XKR4: variants seen among roughly 807,000 people sequenced by gnomAD.
The protein encoded by XKR4 is XK-related protein 4.
In XKR4, 12 loss-of-function variants were observed where a neutral mutation model predicts 53.9. The ratio of observed to expected loss-of-function variants is 0.22; its 90% CI spans 0.14 to 0.36. The LOEUF (loss-of-function observed/expected upper bound fraction) is 0.36. Ranked by LOEUF, XKR4 falls within the 10% of genes least tolerant of loss-of-function variation. The pLI is 1.00. For synonymous variants in XKR4, 354 were observed against 362.4 expected (o/e 0.98, Z 0.26); for missense variants, 799 against 859.5 (o/e 0.93, Z 0.88).
chr8:55,208,519 G>C (rs568012145), intron 1 of XKR4, among the ~76,000 whole-genome samples: 1 of 151,128 alleles, frequency 6.6e-6, no homozygotes, highest in Admixed American at 6.6e-5. Flanking sequence ...GTATCACCCA[G>C]GCAGTGGTGC....
At chr8:55,446,038 A>G (rs548059291) in intron 2 of XKR4, among the ~76,000 whole-genome samples, 1 of 152,286 alleles carries the variant, frequency 6.6e-6, no homozygotes, top group Non-Finnish European at 1.5e-5. Flanking sequence ...GAGTGAGCCA[A>G]TGAGAGATTA....
chr8:55,443,229 G>T (rs896476513), intron 2 of XKR4, among the ~76,000 whole-genome samples: 2 of 151,966 alleles, frequency 1.3e-5, no homozygotes, highest in Non-Finnish European at 2.9e-5. Context: ...TTATAAATAA[G>T]TATTAATAAA....
intron 2 of XKR4, among the ~76,000 whole-genome samples, chr8:55,494,280 G>A (rs945688973): frequency 2.6e-5 from 4 of 152,242 alleles, no homozygotes; most frequent in African/African-American, 4.8e-5. Flanking sequence ...CACAAGCTTG[G>A]AGATGCCAGG....
chr8:55,387,777 G>T (rs1406505719), intron 2 of XKR4, among the ~76,000 whole-genome samples: 1 of 152,128 alleles, frequency 6.6e-6, no homozygotes, highest in Non-Finnish European at 1.5e-5. Context: ...TGGGAGTAAT[G>T]AGACAGGCCA....
At chr8:55,206,718 C>T (rs956461384) in intron 1 of XKR4, among the ~76,000 whole-genome samples, 7 of 152,152 alleles carry the variant, frequency 4.6e-5, no homozygotes, top group African/African-American at 7.2e-5. Context: ...GACATACTTA[C>T]GATTTTGCAG....
intron 1 of XKR4, among the ~76,000 whole-genome samples, chr8:55,242,367 A>C (rs4576406): frequency 0.027 from 4,126 of 152,232 alleles, 77 homozygotes; most frequent in Middle Eastern, 0.061. Context: ...TCTCAGCTCC[A>C]TCCCTGCCAC....
At chr8:55,165,312 C>T (rs1190370180) in intron 1 of XKR4, among the ~76,000 whole-genome samples, 1 of 151,548 alleles carries the variant, frequency 6.6e-6, no homozygotes, top group African/African-American at 2.4e-5. Flanking sequence ...GATCTTTGAC[C>T]ATGTAATGAC....
intron 1 of XKR4, among the ~76,000 whole-genome samples, chr8:55,234,612 T>C (rs1818092679): frequency 6.6e-6 from 1 of 152,206 alleles, no homozygotes; most frequent in African/African-American, 2.4e-5. Flanking sequence ...CCAGTAGTTA[T>C]ATATCAGTAG....
chr8:55,243,806 C>T (rs1818243762), intron 1 of XKR4, among the ~76,000 whole-genome samples: 1 of 152,182 alleles, frequency 6.6e-6, no homozygotes, highest in Non-Finnish European at 1.5e-5. Flanking sequence ...CCAGACACAG[C>T]TCTGCCAAGG....
chr8:55,236,137 G>C (rs991800610), intron 1 of XKR4, among the ~76,000 whole-genome samples: 1 of 152,186 alleles, frequency 6.6e-6, no homozygotes, highest in African/African-American at 2.4e-5. Flanking sequence ...CAGTGAGTCA[G>C]GGCAGGTGGA....
chr8:55,344,789 C>T (rs1803610678), intron 1 of XKR4, among the ~76,000 whole-genome samples: 1 of 152,190 alleles, frequency 6.6e-6, no homozygotes, highest in Non-Finnish European at 1.5e-5. Flanking sequence ...GCCATAGTGC[C>T]TACTACAGGA....
intron 1 of XKR4, among the ~76,000 whole-genome samples, chr8:55,139,512 C>CAGAAAAAAAAAAA (rs1816673667): frequency 1.7e-5 from 2 of 114,456 alleles, no homozygotes; most frequent in Non-Finnish European, 1.7e-5. Context: ...GACTCCGTCT[C>CAGAAAAAAAAAAA]AAAAAAAAAA....
chr8:55,201,886 G>A (rs1817580327), intron 1 of XKR4, among the ~76,000 whole-genome samples: 1 of 152,190 alleles, frequency 6.6e-6, no homozygotes, highest in South Asian at 2.1e-4. Flanking sequence ...TCCATATAGG[G>A]CATCTATTTG....
At chr8:55,415,873 G>A (rs979763037) in intron 2 of XKR4, among the ~76,000 whole-genome samples, 3 of 152,126 alleles carry the variant, frequency 2.0e-5, no homozygotes, top group Non-Finnish European at 2.9e-5. Flanking sequence ...CTTCTACTGC[G>A]GTGCCTGGCG....
intron 2 of XKR4, among the ~76,000 whole-genome samples, chr8:55,461,945 A>G (rs1243199179): frequency 6.6e-6 from 1 of 152,212 alleles, no homozygotes; most frequent in Non-Finnish European, 1.5e-5. Flanking sequence ...AAAGAAACAA[A>G]CAAAGCCTCC....
rs1201644606 is a variant in XKR4 at position 55,364,735 on chromosome 8, C to T, written c.1006+6858C>T. Among the ~76,000 whole-genome samples the T allele has an allele frequency of 5.9e-5, 9 of 152,248 alleles. No homozygotes were observed. In the East Asian group the frequency reaches 1.7e-3, roughly 29 times the overall value. On this transcript the variant is annotated intron_variant, in intron 2 of 2. Transcript: ENST00000327381. ...GCAACCTCTGCCTCCCGAATTCAAT[C>T]AATTCTCCTGCCTCAGCCTCCTGAG...
chr8:55,243,248 G>C (rs1348357303), intron 1 of XKR4, among the ~76,000 whole-genome samples: 2 of 152,074 alleles, frequency 1.3e-5, no homozygotes, highest in Admixed American at 1.3e-4. Context: ...ACATTGTTCT[G>C]GTTTGGACAA....
At chr8:55,514,019 G>A (rs1045462817) in intron 2 of XKR4, among the ~76,000 whole-genome samples, 4 of 152,252 alleles carry the variant, frequency 2.6e-5, no homozygotes, top group African/African-American at 9.6e-5. Context: ...TAACAGCCAA[G>A]CCAAATGCTT....
intron 1 of XKR4, among the ~76,000 whole-genome samples, chr8:55,194,446 A>G (rs1460600036): frequency 6.6e-6 from 1 of 151,968 alleles, no homozygotes; most frequent in African/African-American, 2.4e-5. Context: ...CCCATATACC[A>G]CGATTGCAGG....
Sources: allele counts gnomAD v4.1 joint callset (sites outside exome capture counted in the v4.1 genomes callset), GRCh38; gene constraint gnomAD v4.1.1; transcripts MANE v1.5; gene names NCBI Gene and HGNC (gene_info 2026-07-23, HGNC 2026-07-21).